Variants in B4GALNT3 observed in about 807,000 individuals in gnomAD.
The protein encoded by B4GALNT3 is beta-1,4-N-acetyl-galactosaminyltransferase 3.
Under a neutral mutation model 120.2 loss-of-function variants are expected in B4GALNT3, and 86 were observed. The ratio of observed to expected loss-of-function variants is 0.72; its 90% confidence interval spans 0.60 to 0.86. B4GALNT3 has a LOEUF of 0.86. Ranked by LOEUF, B4GALNT3 falls within the 40% of genes least tolerant of loss-of-function variation. B4GALNT3 has a pLI of 0.00. For synonymous variants in B4GALNT3, 518 were observed against 510.4 expected (o/e 1.01, Z -0.20); for missense variants, 1,167 against 1,298.9 (o/e 0.90, Z 1.56).
intron 1 of B4GALNT3, among the ~76,000 whole-genome samples, chr12:482,866 C>A (rs987112824): frequency 1.3e-5 from 2 of 151,982 alleles, no homozygotes; most frequent in Non-Finnish European, 2.9e-5. Flanking sequence ...AGTGAGACCC[C>A]ATTTCAGAAG....
chr12:485,881 A>G (rs1414314648), intron 1 of B4GALNT3, among the ~76,000 whole-genome samples: 7 of 152,198 alleles, frequency 4.6e-5, no homozygotes, highest in Non-Finnish European at 8.8e-5. Context: ...GGAGGTGAGA[A>G]GGAAAACTGC....
At chr12:547,270 G>A (rs189479609) in intron 7 of B4GALNT3, among the ~76,000 whole-genome samples, 58 of 152,304 alleles carry the variant, frequency 3.8e-4, no homozygotes, top group African/African-American at 1.3e-3. Context: ...TCTGATGCTC[G>A]ACAGCACAGT....
chr12:497,124 C>A (rs1433901777), intron 1 of B4GALNT3, among the ~76,000 whole-genome samples: 1 of 151,364 alleles, frequency 6.6e-6, no homozygotes, highest in Admixed American at 6.6e-5. Flanking sequence ...CGTGGGCCAT[C>A]GCTCCTGGCT....
chr12:473,323 G>A (rs1946155135), intron 1 of B4GALNT3, among the ~76,000 whole-genome samples: 2 of 152,146 alleles, frequency 1.3e-5, no homozygotes, highest in Admixed American at 1.3e-4. Flanking sequence ...AGGTTGATTA[G>A]GCTGTTGGAA....
chr12:511,254 TGCCTTCCGCCTTCC>T (rs1946547619), intron 1 of B4GALNT3, among the ~76,000 whole-genome samples: 1 of 123,344 alleles, frequency 8.1e-6, no homozygotes. Context: ...TTCCGCCTTC[TGCCTTCCGCCTTCC>T]ACCTTCGACC....
At chr12:489,729 A>T (rs368785424) in intron 1 of B4GALNT3, among the ~76,000 whole-genome samples, 1 of 152,242 alleles carries the variant, frequency 6.6e-6, no homozygotes, top group Admixed American at 6.5e-5. Flanking sequence ...TGGTAAAGAC[A>T]TAATTGAACT....
chr12:538,106 A>G (rs752168432), intron 3 of B4GALNT3, among the ~76,000 whole-genome samples: 1 of 152,216 alleles, frequency 6.6e-6, no homozygotes, highest in Non-Finnish European at 1.5e-5. Flanking sequence ...TAAGGATAGC[A>G]TGGATCCTTT....
intron 16 of B4GALNT3, 39 bp downstream of exon 16, chr12:557,800 G>T (rs78107563): frequency 0.02 from 30,894 of 1,577,584 alleles, 947 homozygotes; most frequent in South Asian, 0.1. Context: ...CATGGGCCAC[G>T]TCCATCCTAA....
intron 1 of B4GALNT3, among the ~76,000 whole-genome samples, chr12:471,758 T>G (rs1217547959): frequency 6.6e-6 from 1 of 151,104 alleles, no homozygotes; most frequent in Non-Finnish European, 1.5e-5. Flanking sequence ...AACTACATCA[T>G]TCTTCTGCAT....
In B4GALNT3 at chr12:556,697, C is replaced by G. The variant is rs377113416; in HGVS notation, c.2211C>G (p.Ile737Met). ...EYVSARGWQG[I>M]DPAGGEEVEA... ...TGTCTGCACGAGGCTGGCAGGGCAT[C>G]GATCCAGCTGGTGGGGAGGAGGTCG... The change falls in exon 15 of 20, where the codon ATC becomes ATG. Residue 737 changes from isoleucine (I) to methionine (M), a missense_variant. Ile to Met is a conservative substitution (Grantham distance 10). This residue lies in a region of B4GALNT3 where 983 missense variants were observed against 1,102.5 expected (regional missense o/e 0.89). Coordinates refer to ENST00000266383, the MANE Select transcript of B4GALNT3 (RefSeq NM_173593.4). 1 of 1,613,898 alleles carries G rather than the reference C, an allele frequency of 6.2e-7. No individual in the cohort carries two copies. The highest frequency in any genetic ancestry group is 1.1e-5 in the South Asian group (1 of 91,072).
chr12:544,802 C>T, intron 4 of B4GALNT3, 80 bp from the exon 5 acceptor site: 1 of 1,422,326 alleles, frequency 7.0e-7, no homozygotes, highest in Non-Finnish European at 9.8e-7. Flanking sequence ...TAGTCCCCTC[C>T]TGGTCTTCCC....
At chr12:555,197 GA>G (rs894224882) in intron 14 of B4GALNT3, 4,748 of 279,108 alleles carry the variant, frequency 0.017, no homozygotes, top group South Asian at 0.03. Context: ...GAAAAAGAAA[GA>G]AAAAAAAAAA....
At chr12:543,552 C>T (rs376198334) in intron 3 of B4GALNT3, among the ~76,000 whole-genome samples, 4 of 82,830 alleles carry the variant, frequency 4.8e-5, no homozygotes, top group Non-Finnish European at 9.9e-5. Context: ...GGTGCTCATC[C>T]TCCTGGAACT....
At chr12:520,036 A>G (rs921571576) in intron 1 of B4GALNT3, among the ~76,000 whole-genome samples, 1 of 152,080 alleles carries the variant, frequency 6.6e-6, no homozygotes, top group African/African-American at 2.4e-5. Flanking sequence ...TTCACTGTTT[A>G]TGGTTCGGGC....
chr12:530,621 T>C (rs1442856171), intron 1 of B4GALNT3, among the ~76,000 whole-genome samples: 1 of 152,250 alleles, frequency 6.6e-6, no homozygotes, highest in Non-Finnish European at 1.5e-5. Context: ...GTTCACTGTG[T>C]GGCCTTGAGC....
At chr12:467,786 G>A (rs7304666) in intron 1 of B4GALNT3, among the ~76,000 whole-genome samples, 143,492 of 152,278 alleles carry the variant, frequency 0.94, 67,700 homozygotes, top group Non-Finnish European at 0.97. Flanking sequence ...CCAGGGTGGA[G>A]TTGAGAACTG....
At chr12:511,080 C>T (rs1376084514) in intron 1 of B4GALNT3, among the ~76,000 whole-genome samples, 2 of 124,674 alleles carry the variant, frequency 1.6e-5, no homozygotes, top group African/African-American at 6.1e-5. Context: ...CTCTGGTGCC[C>T]AGGCTGGAGT....
chr12:559,834 GC>G (rs1431828158), intron 19 of B4GALNT3, among the ~76,000 whole-genome samples: 1 of 152,136 alleles, frequency 6.6e-6, no homozygotes, highest in Non-Finnish European at 1.5e-5. Context: ...AGTAGACCTG[GC>G]AAAGGTCAGG....
Position 460,301 on chromosome 12 carries a change from G to C in B4GALNT3, c.-76G>C. 1 of 958,642 alleles carries C rather than the reference G, an allele frequency of 1.0e-6. No homozygotes were observed. The highest frequency in any genetic ancestry group is 1.2e-6 in the Non-Finnish European group (1 of 807,332). The allele number at this position is 958,642 out of a possible 1,614,324, so 59.4% of individuals were successfully genotyped here. ...TGGGCCGGGACGCGGGGCGCCCTGG[G>C]CGCGGGGCCCGGCCGGGGGGCGGCG... is the stretch of plus-strand genomic sequence containing the variant. On this transcript the variant is annotated 5_prime_UTR_variant, in exon 1 of 20. Transcript: ENST00000266383. This position sits in a 1 kb window ranked among gnomAD's most constrained non-coding sequence, Gnocchi z 8.0.
Sources: gnomAD v4.1 joint callset for allele counts (sites outside exome capture counted in the v4.1 genomes callset) on GRCh38, gnomAD v4.1.1 for gene constraint, gnomAD v4.1.1 regional missense constraint, Gnocchi (gnomAD v3.1) non-coding constraint, MANE v1.5 for transcripts, NCBI Gene and HGNC (gene_info 2026-07-23, HGNC 2026-07-21) for gene names.